Variants in LEPROTL1 observed in about 807,000 individuals in gnomAD.
The protein encoded by LEPROTL1 is leptin receptor overlapping transcript like 1, also known as leptin receptor overlapping transcript-like 1.
A neutral mutation model predicts 15.4 loss-of-function variants in LEPROTL1; 6 were observed. The observed-to-expected ratio is 0.39, with a 90% confidence interval of 0.21 to 0.77. The LOEUF (loss-of-function observed/expected upper bound fraction) is 0.77. Among genes scored for constraint, LEPROTL1 ranks in the 30% least tolerant of loss-of-function variants. The pLI is 0.41. For synonymous variants in LEPROTL1, 56 were observed against 52.6 expected (o/e 1.06, Z -0.28); for missense variants, 128 against 158.1 (o/e 0.81, Z 1.02).
At chr8:30,129,940 C>T (rs998280256) in intron 3 of LEPROTL1, among the ~76,000 whole-genome samples, 1 of 151,968 alleles carries the variant, frequency 6.6e-6, no homozygotes, top group South Asian at 2.1e-4. Flanking sequence ...AGCGGGAAGG[C>T]GTTACGCACT....
intron 4 of LEPROTL1, among the ~76,000 whole-genome samples, chr8:30,135,789 C>G (rs1803126331): frequency 6.6e-6 from 1 of 151,594 alleles, no homozygotes; most frequent in African/African-American, 2.4e-5. Context: ...TGGTGCATGC[C>G]TGTGGTCCCA....
At chr8:30,114,120 C>T (rs927353622) in intron 3 of LEPROTL1, among the ~76,000 whole-genome samples, 1 of 152,126 alleles carries the variant, frequency 6.6e-6, no homozygotes, top group Non-Finnish European at 1.5e-5. Flanking sequence ...GATTCAAAGA[C>T]ACATAGTATA....
In LEPROTL1 at chr8:30,106,396, C is replaced by A; in HGVS notation, c.*534C>A. On this transcript the variant is annotated 3_prime_UTR_variant, in exon 4 of 4. Coordinates refer to ENST00000321250, the MANE Select transcript of LEPROTL1 (RefSeq NM_015344.3). ...TACGTTATAGACTGTATACTCAGTG[C>A]AAATATAGCTGCATTTATACCTCAG... The A allele has an allele frequency of 2.0e-6, 2 of 985,778 alleles. No individual in the cohort carries two copies. The highest frequency in any genetic ancestry group is 2.4e-6 in the Non-Finnish European group (2 of 829,912). 61.1% of individuals were successfully genotyped at this position (985,778 alleles called of 1,614,324 possible).
chr8:30,096,923 C>CTT (rs1441810305), intron 1 of LEPROTL1, among the ~76,000 whole-genome samples: 1 of 152,160 alleles, frequency 6.6e-6, no homozygotes, highest in Non-Finnish European at 1.5e-5. Flanking sequence ...TTAGGCATTG[C>CTT]TTGAGCCATT....
intron 4 of LEPROTL1, chr8:30,132,549 A>G (rs1233170720): frequency 1.3e-6 from 2 of 1,551,748 alleles, no homozygotes; most frequent in East Asian, 2.4e-5. Context: ...ATTGCTGGCA[A>G]TCAGTCAGTC....
downstream of LEPROTL1, among the ~76,000 whole-genome samples, chr8:30,112,558 C>T (rs772917258): frequency 1.3e-5 from 2 of 151,420 alleles, no homozygotes; most frequent in African/African-American, 4.9e-5. Context: ...CTGCACCCGG[C>T]CTTTGTAACC....
intron 1 of LEPROTL1, among the ~76,000 whole-genome samples, chr8:30,099,817 TGC>T (rs1298486664): frequency 7.2e-6 from 1 of 138,404 alleles, no homozygotes; most frequent in African/African-American, 2.6e-5. Context: ...GGACAAAGTG[TGC>T]ACAGGCCACG....
In LEPROTL1 at chr8:30,105,790, C is replaced by A; in HGVS notation, c.324C>A (p.Val108=). 6.3e-7 allele frequency: 1 copy of A among 1,589,054 alleles called. No homozygotes were observed. The highest frequency in any genetic ancestry group is 1.1e-5 in the South Asian group (1 of 89,198). ...ACALVLTGNT[V]IFATILGFFL... Reference sequence around the variant, plus strand: ...CACTTGTTCTCACAGGAAACACAGTCATCTTTGCAACTATACTAGGCTTTT... The same window carrying A: ...CACTTGTTCTCACAGGAAACACAGTAATCTTTGCAACTATACTAGGCTTTT... Residue 108 remains valine, a synonymous_variant, in exon 4 of 4, where the codon GTC becomes GTA. Coordinates refer to ENST00000321250, the MANE Select transcript of LEPROTL1 (RefSeq NM_015344.3).
chr8:30,129,710 G>GAC (rs1802963909), intron 3 of LEPROTL1, among the ~76,000 whole-genome samples: 1 of 105,206 alleles, frequency 9.5e-6, no homozygotes, highest in African/African-American at 3.8e-5. Flanking sequence ...GTGAGACCCT[G>GAC]TCACACACAC....
intron 2 of LEPROTL1, 34 bp from the exon 3 acceptor site, chr8:30,104,266 C>A: frequency 2.3e-6 from 3 of 1,324,466 alleles, no homozygotes; most frequent in African/African-American, 3.0e-5. Flanking sequence ...AATGACATAG[C>A]AAAAATTACA....
chr8:30,106,295 A>C lies in LEPROTL1; in HGVS notation c.*433A>C. The C allele has an allele frequency of 3.0e-6, 3 of 986,086 alleles. No homozygotes were observed. Among genetic ancestry groups the C allele is most frequent in the Non-Finnish European group, 3.6e-6 (3 of 829,856 alleles). 61.1% of individuals were successfully genotyped at this position (986,086 alleles called of 1,614,324 possible). A position where few individuals can be genotyped will look rare whatever the true frequency, so the allele number is the denominator to read the frequency against. On this transcript the variant is annotated 3_prime_UTR_variant, in exon 4 of 4. Transcript: ENST00000321250. ...ATTATTTAGCCTCCATTATTACAAAAAATTATAAAAATAAGTTTTCAGTCA... is the reference window on the plus strand; with the variant it reads ...ATTATTTAGCCTCCATTATTACAAACAATTATAAAAATAAGTTTTCAGTCA...
At chr8:30,126,871 G>A (rs1802913224) in intron 3 of LEPROTL1, among the ~76,000 whole-genome samples, 2 of 151,980 alleles carry the variant, frequency 1.3e-5, no homozygotes, top group African/African-American at 4.8e-5. Flanking sequence ...ATCCCCATCT[G>A]TACTAAAAAT....
chr8:30,108,181 T>G lies in LEPROTL1; in HGVS notation c.*2319T>G, dbSNP rs1802601271. 4.5e-6 allele frequency: 1 copy of G among 223,782 alleles called. No individual in the cohort carries two copies. Among genetic ancestry groups the G allele is most frequent in the Non-Finnish European group, 7.5e-6 (1 of 133,648 alleles). 13.9% of individuals were successfully genotyped at this position (223,782 alleles called of 1,614,324 possible). On this transcript the variant is annotated 3_prime_UTR_variant, in exon 4 of 4. Coordinates refer to ENST00000321250, the MANE Select transcript of LEPROTL1 (RefSeq NM_015344.3). ...AGATGACATTGGTGTAATGTTAGAG[T>G]TGCAGAAGTTTCCATTCCAAAATAA...
At chr8:30,136,186 T>C (rs996312344) in intron 4 of LEPROTL1, among the ~76,000 whole-genome samples, 3 of 152,218 alleles carry the variant, frequency 2.0e-5, no homozygotes, top group African/African-American at 7.2e-5. Flanking sequence ...TACCTCAGAA[T>C]GTGACTGTAT....
chr8:30,134,434 C>CA (rs994330428), intron 4 of LEPROTL1, among the ~76,000 whole-genome samples: 2,649 of 137,162 alleles, frequency 0.019, 65 homozygotes, highest in African/African-American at 0.06. Context: ...AAAAACAAAA[C>CA]AAAAAAAAAA....
At chr8:30,129,489 G>T (rs571210786) in intron 3 of LEPROTL1, among the ~76,000 whole-genome samples, 1 of 152,164 alleles carries the variant, frequency 6.6e-6, no homozygotes, top group East Asian at 1.9e-4. Flanking sequence ...TGGATCACTT[G>T]AGGTCAGGAG....
intron 3 of LEPROTL1, among the ~76,000 whole-genome samples, chr8:30,115,870 A>C (rs1236416239): frequency 6.6e-6 from 1 of 152,188 alleles, no homozygotes; most frequent in African/African-American, 2.4e-5. Context: ...CAGGTAGTAC[A>C]TATGAAAATG....
intron 1 of LEPROTL1, 31 bp from the exon 2 acceptor site, chr8:30,101,867 A>G (rs981214686): frequency 2.3e-6 from 3 of 1,332,408 alleles, no homozygotes; most frequent in Non-Finnish European, 1.1e-6. Flanking sequence ...TTTAATTTAT[A>G]TTCCTGTTGC....
Position 30,120,212 on chromosome 8 carries a change from G to T in LEPROTL1, c.280-12163G>T, listed in dbSNP as rs978315100. On this transcript the variant is annotated intron_variant, in intron 3 of 4. Coordinates refer to the LEPROTL1 transcript ENST00000442880. ...TTTGCCCCAAGCAAGTTTCTGAAAA[G>T]GGTCCAAATAGCTCATCCCTTTGAA... Among the ~76,000 whole-genome samples the T allele has an allele frequency of 2.0e-5, 3 of 152,194 alleles. No homozygotes were observed. The East Asian group carries it at 5.8e-4, about 29-fold the overall frequency.
Sources: allele counts gnomAD v4.1 joint callset (sites outside exome capture counted in the v4.1 genomes callset), GRCh38; gene constraint gnomAD v4.1.1; transcripts MANE v1.5; gene names NCBI Gene and HGNC (gene_info 2026-07-23, HGNC 2026-07-21).